INSR: variants seen among roughly 807,000 people sequenced by gnomAD.
INSR encodes the protein insulin receptor.
Under a neutral mutation model 142.6 loss-of-function variants are expected in INSR, and 67 were observed. That is an observed-to-expected ratio of 0.47 (90% CI 0.39 to 0.58). INSR has a LOEUF of 0.58. INSR is among the 20% of genes least tolerant of loss of function. The pLI, the probability that INSR is intolerant of heterozygous loss-of-function variation, is 0.00. For synonymous variants in INSR, 756 were observed against 743.1 expected (o/e 1.02, Z -0.28); for missense variants, 1,248 against 1,833.2 (o/e 0.68, Z 5.83).
At chr19:7,162,456 A>T (rs1362149119) in intron 9 of INSR, among the ~76,000 whole-genome samples, 1 of 150,776 alleles carries the variant, frequency 6.6e-6, no homozygotes, top group Non-Finnish European at 1.5e-5. Context: ...GGTTGCAGTG[A>T]GCAGAGATCA....
intron 9 of INSR, among the ~76,000 whole-genome samples, 155 bp downstream of exon 9, chr19:7,162,877 G>T (rs1337918665): frequency 6.6e-6 from 1 of 151,140 alleles, no homozygotes; most frequent in Non-Finnish European, 1.5e-5. Context: ...AAACATGTAT[G>T]TGTGTTTTCA....
chr19:7,219,056 T>C (rs1342436324), intron 2 of INSR, among the ~76,000 whole-genome samples: 1 of 152,234 alleles, frequency 6.6e-6, no homozygotes, highest in Non-Finnish European at 1.5e-5. Flanking sequence ...CGCTCTTCTG[T>C]GCAGCAGTCA....
At chr19:7,122,150 G>GAA (rs796128083) in intron 19 of INSR, among the ~76,000 whole-genome samples, 1 of 76,732 alleles carries the variant, frequency 1.3e-5, no homozygotes, top group Non-Finnish European at 2.7e-5. Flanking sequence ...TCAGAAAAAA[G>GAA]AAAAAAAAAA....
intron 2 of INSR, among the ~76,000 whole-genome samples, chr19:7,210,340 C>CAAAAAA (rs11342133): frequency 9.1e-6 from 1 of 109,832 alleles, no homozygotes; most frequent in African/African-American, 2.9e-5. Flanking sequence ...GACTCTGTCT[C>CAAAAAA]AAAAAAAAAA....
chr19:7,266,355 C>T (rs1967725098), intron 2 of INSR, among the ~76,000 whole-genome samples: 1 of 151,504 alleles, frequency 6.6e-6, no homozygotes, highest in African/African-American at 2.4e-5. Context: ...AAATGTTCAT[C>T]ACTCTCTTTG....
At chr19:7,127,750 T>C (rs1465625275) in intron 15 of INSR, among the ~76,000 whole-genome samples, 1 of 152,174 alleles carries the variant, frequency 6.6e-6, no homozygotes, top group Non-Finnish European at 1.5e-5. Context: ...TTTTTTGTTT[T>C]GTTTTGTTTT....
At chr19:7,154,577 C>T (rs1027068786) in intron 9 of INSR, among the ~76,000 whole-genome samples, 3 of 148,656 alleles carry the variant, frequency 2.0e-5, no homozygotes, top group East Asian at 2.2e-4. Flanking sequence ...GCTGGGATTA[C>T]AGGCGTGAGC....
At chr19:7,256,850 G>T (rs1420345687) in intron 2 of INSR, among the ~76,000 whole-genome samples, 1 of 147,608 alleles carries the variant, frequency 6.8e-6, no homozygotes, top group Admixed American at 6.7e-5. Context: ...TTTTTTTAAA[G>T]ATCTTTGACA....
At chr19:7,143,795 C>T (rs564350917) in intron 11 of INSR, among the ~76,000 whole-genome samples, 1 of 152,266 alleles carries the variant, frequency 6.6e-6, no homozygotes, top group East Asian at 1.9e-4. Flanking sequence ...TGGCTCATGC[C>T]TATAATCCCA....
chr19:7,122,404 C>T (rs1047828780), intron 19 of INSR, among the ~76,000 whole-genome samples: 1 of 152,032 alleles, frequency 6.6e-6, no homozygotes, highest in Non-Finnish European at 1.5e-5. Flanking sequence ...GATCACACCA[C>T]TGCACTCCAG....
chr19:7,123,948 G>A (rs753983082), intron 17 of INSR, among the ~76,000 whole-genome samples: 4 of 152,044 alleles, frequency 2.6e-5, no homozygotes, highest in Non-Finnish European at 5.9e-5. Context: ...TAGGCTGGGC[G>A]TGGTGGCTCA....
chr19:7,163,748 G>A (rs1297424729), intron 8 of INSR, among the ~76,000 whole-genome samples: 1 of 151,386 alleles, frequency 6.6e-6, no homozygotes, highest in Admixed American at 6.6e-5. Flanking sequence ...ATGAATGAGC[G>A]GGGATTAACT....
chr19:7,184,664 A>AGAGAGAGAGAGAG (rs760067515), intron 2 of INSR, 27 bp from the exon 3 acceptor site: 8 of 635,450 alleles, frequency 1.3e-5, no homozygotes, highest in Middle Eastern at 5.5e-4. Context: ...AGAGAGAGGG[A>AGAGAGAGAGAGAG]AATAAATAAA....
chr19:7,193,240 T>C lies in INSR; in HGVS notation c.653-8603A>G, dbSNP rs758142630. On this transcript the variant is annotated intron_variant, in intron 2 of 21. Transcript: ENST00000302850. ...TTCAAGAGATTCTTCTGCTCATGCC[T>C]GTAATCCCAGCAGGCTAAGGAGGCT... 1.8e-4 allele frequency among the ~76,000 whole-genome samples: 27 copies of C among 151,894 alleles called. 1 individual carries two copies. The highest frequency in any genetic ancestry group is 9.2e-4 in the Admixed American group (14 of 15,242).
At chr19:7,263,397 T>C (rs926259655) in intron 2 of INSR, among the ~76,000 whole-genome samples, 7 of 152,108 alleles carry the variant, frequency 4.6e-5, no homozygotes, top group Admixed American at 4.6e-4. Flanking sequence ...GGGCAACAGT[T>C]CAAAAAACAA....
chr19:7,129,633 A>C (rs903116129), intron 14 of INSR, among the ~76,000 whole-genome samples: 3 of 152,152 alleles, frequency 2.0e-5, no homozygotes, highest in African/African-American at 7.2e-5. Flanking sequence ...CCAAATTCTT[A>C]ATAATTTTAA....
Position 7,139,168 on chromosome 19 carries a change from C to T in INSR, c.2682+2509G>A, listed in dbSNP as rs546577868. On this transcript the variant is annotated intron_variant, in intron 13 of 21. Transcript: ENST00000302850. ...CAAGTGCCCCCAGCTGAGGCCCCAG[C>T]CATGTGAATGAGGCCATCCAGCCCC... Among the ~76,000 whole-genome samples the T allele has an allele frequency of 5.2e-4, 79 of 152,322 alleles. 1 individual carries two copies. Among genetic ancestry groups the T allele is most frequent in the African/African-American group, 1.9e-3 (77 of 41,574 alleles).
Position 7,118,569 on chromosome 19 carries a change from G to A in INSR, c.3794+880C>T, listed in dbSNP as rs376153507. 4.6e-5 allele frequency among the ~76,000 whole-genome samples: 7 copies of A among 151,822 alleles called. No homozygotes were observed. The South Asian group carries it at 6.2e-4, about 14-fold the overall frequency. On this transcript the variant is annotated intron_variant, in intron 21 of 21. Transcript: ENST00000302850. ...CTGACCTTAGGTGATCGTTCACCTC[G>A]GTCTCCCAAATTGCTTGGGATTACA...
chr19:7,167,428 T>G (rs957007840), intron 7 of INSR, among the ~76,000 whole-genome samples: 1 of 151,894 alleles, frequency 6.6e-6, no homozygotes, highest in African/African-American at 2.4e-5. Context: ...ATACACAAAT[T>G]AGCTACGTGT....
Sources: gnomAD v4.1 joint callset for allele counts (sites outside exome capture counted in the v4.1 genomes callset) on GRCh38, gnomAD v4.1.1 for gene constraint, MANE v1.5 for transcripts, NCBI Gene and HGNC (gene_info 2026-07-23, HGNC 2026-07-21) for gene names.